Variants in SBF2 observed in about 807,000 individuals in gnomAD.
The protein encoded by SBF2 is SET binding factor 2.
Under a neutral mutation model 225.2 loss-of-function variants are expected in SBF2, and 112 were observed. The observed-to-expected ratio is 0.50, with a 90% confidence interval of 0.43 to 0.58. The LOEUF is 0.58. Ranked by LOEUF, SBF2 falls within the 20% of genes least tolerant of loss-of-function variation. The pLI is 0.00. For synonymous variants in SBF2, 763 were observed against 773.3 expected, an observed-to-expected ratio of 0.99 and a Z score of 0.22; for missense variants, 1,996 against 2,206.2, an observed-to-expected ratio of 0.90 and a Z score of 1.91.
At chr11:9,903,161 A>C (rs1225653539) in intron 16 of SBF2, among the ~76,000 whole-genome samples, 1 of 152,074 alleles carries the variant, frequency 6.6e-6, no homozygotes, top group Non-Finnish European at 1.5e-5. Flanking sequence ...CTCTACTAAA[A>C]AATACAAAAA....
At position 9,850,991 on chromosome 11, in the gene SBF2, C is replaced by G. The variant is rs902975314; in HGVS notation, c.2611-773G>C. On this transcript the variant is annotated intron_variant, in intron 21 of 39. Transcript: ENST00000256190. ...CCTCTACTAAAAACACAAAAATTAGCTGGGCATGGTGGCAGGCGCCTGTAA... is the reference window on the plus strand; with the variant it reads ...CCTCTACTAAAAACACAAAAATTAGGTGGGCATGGTGGCAGGCGCCTGTAA... Among the ~76,000 whole-genome samples the G allele has an allele frequency of 3.9e-5, 6 of 151,936 alleles. No individual in the cohort carries two copies. The South Asian group carries it at 1.2e-3, about 32-fold the overall frequency.
chr11:10,161,153 C>G (rs1002883236), intron 2 of SBF2, among the ~76,000 whole-genome samples: 2 of 143,794 alleles, frequency 1.4e-5, no homozygotes, highest in Non-Finnish European at 3.0e-5. Context: ...CCATTGCACT[C>G]CAGCCTGGGC....
chr11:9,920,369 T>C (rs904687059), intron 16 of SBF2, among the ~76,000 whole-genome samples: 3 of 152,116 alleles, frequency 2.0e-5, no homozygotes, highest in Non-Finnish European at 2.9e-5. Flanking sequence ...TCAGGCCAAG[T>C]TCCTGATACA....
intron 6 of SBF2, among the ~76,000 whole-genome samples, chr11:10,019,302 T>G (rs1342008539): frequency 6.6e-6 from 1 of 152,228 alleles, no homozygotes; most frequent in Non-Finnish European, 1.5e-5. Flanking sequence ...TCCTTAGGCC[T>G]CTGAAGGTAA....
intron 6 of SBF2, among the ~76,000 whole-genome samples, chr11:10,015,690 C>G (rs1290220811): frequency 6.6e-6 from 1 of 152,160 alleles, no homozygotes; most frequent in African/African-American, 2.4e-5. Context: ...AGTGAGGAAG[C>G]AAATGGCATT....
intron 2 of SBF2, among the ~76,000 whole-genome samples, chr11:10,060,450 G>A (rs1364263428): frequency 6.6e-6 from 1 of 152,168 alleles, no homozygotes; most frequent in Non-Finnish European, 1.5e-5. Flanking sequence ...TCTACCAGGT[G>A]TACAAAGAAG....
chr11:9,883,120 C>G (rs1189033831), intron 17 of SBF2, among the ~76,000 whole-genome samples: 1 of 151,936 alleles, frequency 6.6e-6, no homozygotes, highest in Non-Finnish European at 1.5e-5. Context: ...GGCGACAGAG[C>G]GAGACTCTGT....
At chr11:9,906,040 C>T (rs184788629) in intron 16 of SBF2, among the ~76,000 whole-genome samples, 9 of 151,796 alleles carry the variant, frequency 5.9e-5, no homozygotes, top group Admixed American at 1.3e-4. Context: ...ATATAATAAT[C>T]CCAGAATGCA....
intron 2 of SBF2, among the ~76,000 whole-genome samples, chr11:10,043,734 C>G (rs1949746904): frequency 6.6e-6 from 1 of 152,082 alleles, no homozygotes. Flanking sequence ...ACCAGTATAT[C>G]TGGCTAATAT....
At chr11:10,261,610 A>G (rs1961438429) in intron 1 of SBF2, among the ~76,000 whole-genome samples, 1 of 152,202 alleles carries the variant, frequency 6.6e-6, no homozygotes, top group Non-Finnish European at 1.5e-5. Flanking sequence ...CTATAACCCA[A>G]AAATTCAACT....
chr11:10,009,460 C>T (rs1948347487), intron 6 of SBF2, among the ~76,000 whole-genome samples: 1 of 151,930 alleles, frequency 6.6e-6, no homozygotes, highest in South Asian at 2.1e-4. Flanking sequence ...CTCCCTGTGT[C>T]CATGTGTTCT....
At chr11:10,187,727 C>T (rs977084336) in intron 2 of SBF2, among the ~76,000 whole-genome samples, 1 of 152,034 alleles carries the variant, frequency 6.6e-6, no homozygotes, top group Non-Finnish European at 1.5e-5. Context: ...ACCCTACTGC[C>T]ACTAATTAGC....
At chr11:9,989,972 T>C (rs1947354714) in intron 12 of SBF2, among the ~76,000 whole-genome samples, 1 of 152,200 alleles carries the variant, frequency 6.6e-6, no homozygotes, top group African/African-American at 2.4e-5. Context: ...CAGACTCTAG[T>C]CCTAGCTCTG....
At position 10,084,311 on chromosome 11, in the gene SBF2, A is replaced by C. The variant is rs114752389; in HGVS notation, c.142-41330T>G. 3.5e-3 allele frequency among the ~76,000 whole-genome samples: 527 copies of C among 152,332 alleles called. 4 individuals are homozygous for C. Among genetic ancestry groups the C allele is most frequent in the African/African-American group, 0.012 (500 of 41,576 alleles). ...TTCAGAAGAAGACATACAAATGACC[A>C]AAAAGCATAGGAAAAAATGCTCAAG... On this transcript the variant is annotated intron_variant, in intron 2 of 39. Transcript: ENST00000256190.
chr11:9,858,161 C>T, intron 18 of SBF2, 65 bp downstream of exon 18: 2 of 1,592,006 alleles, frequency 1.3e-6, no homozygotes, highest in Non-Finnish European at 1.7e-6. Context: ...GCCCTGGGAA[C>T]ATCTGCTTTC....
chr11:9,849,872 C>T, intron 22 of SBF2, 151 bp downstream of exon 22: 1 of 740,254 alleles, frequency 1.4e-6, no homozygotes. Context: ...TTATCATTAG[C>T]TCTGTCAGAC....
chr11:10,041,459 T>C (rs1949655503), intron 3 of SBF2, among the ~76,000 whole-genome samples: 1 of 152,168 alleles, frequency 6.6e-6, no homozygotes, highest in Non-Finnish European at 1.5e-5. Flanking sequence ...ATCGGTTTGA[T>C]TCCATAATCA....
rs1851891369 is a variant in SBF2 at position 9,779,539 on chromosome 11, GGTGCGTAT to G, written c.*871_*878del. Reference sequence around the variant, plus strand: ...TGTGGTCAACACAGCCCTTGTCACAGGTGCGTATGGTCCTAAATAGCTGGCCTCTGTCT... The same window carrying G: ...TGTGGTCAACACAGCCCTTGTCACAGGGTCCTAAATAGCTGGCCTCTGTCT... On this transcript the variant is annotated 3_prime_UTR_variant, in exon 40 of 40. Transcript: ENST00000256190. 1 of 152,808 alleles carries G rather than the reference GGTGCGTAT, an allele frequency of 6.5e-6. No homozygotes were observed. Among genetic ancestry groups the G allele is most frequent in the South Asian group, 2.1e-4 (1 of 4,828 alleles). The allele number at this position is 152,808 out of a possible 1,614,324, so 9.5% of individuals were successfully genotyped here. A position where few individuals can be genotyped will look rare whatever the true frequency, so the allele number is the denominator to read the frequency against.
chr11:10,275,179 C>A (rs571295603), intron 1 of SBF2, among the ~76,000 whole-genome samples: 22 of 151,148 alleles, frequency 1.5e-4, no homozygotes, highest in African/African-American at 5.1e-4. Flanking sequence ...GAAAGGAGAC[C>A]GAGAAAAGAG....
Sources: allele counts gnomAD v4.1 joint callset (sites outside exome capture counted in the v4.1 genomes callset), GRCh38; gene constraint gnomAD v4.1.1; transcripts MANE v1.5; gene names NCBI Gene and HGNC (gene_info 2026-07-23, HGNC 2026-07-21).